STXBP4: variants seen among roughly 807,000 people sequenced by gnomAD.
STXBP4 encodes the protein syntaxin binding protein 4.
A neutral mutation model predicts 76.1 loss-of-function variants in STXBP4; 55 were observed. That is an observed-to-expected ratio of 0.72 (90% confidence interval 0.58 to 0.91). The LOEUF (loss-of-function observed/expected upper bound fraction) is 0.91, where lower values mean the gene tolerates loss of function less well. Among genes scored for constraint, STXBP4 ranks in the 40% least tolerant of loss-of-function variants. The pLI is 0.00. For synonymous variants in STXBP4, 201 were observed against 220.2 expected (o/e 0.91, Z 0.77); for missense variants, 618 against 636.9 (o/e 0.97, Z 0.32).
At chr17:55,126,728 T>C (rs1451113396) in intron 16 of STXBP4, among the ~76,000 whole-genome samples, 1 of 152,222 alleles carries the variant, frequency 6.6e-6, no homozygotes, top group Non-Finnish European at 1.5e-5. Context: ...CTGTTGTCTC[T>C]GAAATCATTC....
intron 8 of STXBP4, among the ~76,000 whole-genome samples, chr17:55,014,590 T>G (rs146686375): frequency 6.6e-6 from 1 of 151,866 alleles, no homozygotes; most frequent in Non-Finnish European, 1.5e-5. Context: ...CCCTTAATGG[T>G]CAAGCATACC....
chr17:55,075,290 T>C (rs1180524353), intron 13 of STXBP4, among the ~76,000 whole-genome samples: 2 of 152,182 alleles, frequency 1.3e-5, no homozygotes, highest in Non-Finnish European at 2.9e-5. Flanking sequence ...AAATATACTC[T>C]ATGTATCATT....
chr17:54,984,904 T>C (rs80355331), intron 1 of STXBP4, among the ~76,000 whole-genome samples: 1 of 151,986 alleles, frequency 6.6e-6, no homozygotes, highest in South Asian at 2.1e-4. Flanking sequence ...ATCTTTTTTT[T>C]ATCTTCCAAA....
chr17:55,209,176 TA>T, the STXBP4 span, among the ~76,000 whole-genome samples: 2 of 151,280 alleles, frequency 1.3e-5, no homozygotes, highest in African/African-American at 4.9e-5. Context: ...GTCTGAAGAT[TA>T]AAAAAAAATA....
intron 16 of STXBP4, among the ~76,000 whole-genome samples, chr17:55,111,968 T>C (rs2145058711): frequency 6.6e-6 from 1 of 152,260 alleles, no homozygotes; most frequent in South Asian, 2.1e-4. Context: ...CAGGCTGCAG[T>C]GCAATAGCAC....
the STXBP4 span, among the ~76,000 whole-genome samples, chr17:55,188,587 G>A: frequency 6.6e-6 from 1 of 152,204 alleles, no homozygotes; most frequent in African/African-American, 2.4e-5. Flanking sequence ...TATTAGAGCT[G>A]CCATTCCATT....
the STXBP4 span, among the ~76,000 whole-genome samples, chr17:55,187,136 G>A: frequency 5.3e-5 from 8 of 152,252 alleles, no homozygotes; most frequent in South Asian, 2.1e-4. Context: ...ATGTATTGCC[G>A]TCATTAATGC....
chr17:55,185,242 T>TCTTCTTCTTCTC, the STXBP4 span, among the ~76,000 whole-genome samples: 1 of 50,340 alleles, frequency 2.0e-5, no homozygotes, highest in African/African-American at 1.1e-4. Context: ...TTCTTCTTCT[T>TCTTCTTCTTCTC]CTTCTTCTCC....
At chr17:55,105,731 G>C (rs921590573) in intron 16 of STXBP4, among the ~76,000 whole-genome samples, 1 of 151,936 alleles carries the variant, frequency 6.6e-6, no homozygotes, top group African/African-American at 2.4e-5. Flanking sequence ...ACCAGCCTTG[G>C]CCTCCCAAAG....
chr17:55,129,984 A>C (rs565885445), intron 16 of STXBP4, among the ~76,000 whole-genome samples: 20 of 152,294 alleles, frequency 1.3e-4, no homozygotes, highest in Non-Finnish European at 2.8e-4. Context: ...TCATATTAGA[A>C]ATATGTAAAG....
At chr17:55,057,373 G>A (rs1220318186) in intron 12 of STXBP4, among the ~76,000 whole-genome samples, 3 of 152,026 alleles carry the variant, frequency 2.0e-5, no homozygotes, top group African/African-American at 4.8e-5. Context: ...CTCAATTTAC[G>A]TGCGTATACT....
At chr17:55,062,110 T>G (rs2079001212) in intron 12 of STXBP4, among the ~76,000 whole-genome samples, 1 of 151,992 alleles carries the variant, frequency 6.6e-6, no homozygotes, top group South Asian at 2.1e-4. Context: ...AAATATATAT[T>G]TTAAGTTCTG....
intron 16 of STXBP4, among the ~76,000 whole-genome samples, chr17:55,105,737 C>T (rs1484189521): frequency 6.6e-6 from 1 of 152,078 alleles, no homozygotes; most frequent in Non-Finnish European, 1.5e-5. Context: ...CTTGGCCTCC[C>T]AAAGTGCTGG....
At chr17:55,105,436 A>C (rs1222827577) in intron 16 of STXBP4, among the ~76,000 whole-genome samples, 1 of 150,802 alleles carries the variant, frequency 6.6e-6, no homozygotes, top group African/African-American at 2.4e-5. Context: ...TGCAATTTCA[A>C]GTGAATTTCT....
rs4048521 is a variant in STXBP4, at chr17:55,066,195, G to GTTGTTTTGTT, written c.1012-6668_1012-6659dup. Among the ~76,000 whole-genome samples the GTTGTTTTGTT allele has an allele frequency of 9.1e-3, 1,363 of 149,074 alleles. 17 individuals carry two copies. Among genetic ancestry groups the GTTGTTTTGTT allele is most frequent in the African/African-American group, 0.032 (1,266 of 40,000 alleles). On this transcript the variant is annotated intron_variant, in intron 12 of 17. Coordinates refer to ENST00000376352, the MANE Select transcript of STXBP4 (RefSeq NM_178509.6). Reference sequence around the variant, plus strand: ...CTCATGATGGAAAATTGTGGGTTTTGTTGTTTTGTTTTGTTTTGTTTTGTT... The same window carrying GTTGTTTTGTT: ...CTCATGATGGAAAATTGTGGGTTTTGTTGTTTTGTTTTGTTTTGTTTTGTTTTGTTTTGTT...
rs1382666358 is a variant in STXBP4 at position 55,166,303 on chromosome 17, A to C, written c.*6392A>C. ...ATTTTTCAAGTCTTTCTCATTTCTT[A>C]CCTGGATGCTTTCAACACAGGTGAT... is the stretch of plus-strand genomic sequence containing the variant. On this transcript the variant is annotated 3_prime_UTR_variant, in exon 18 of 18. Transcript: ENST00000376352. 6.6e-6 allele frequency: 1 copy of C among 152,064 alleles called. No homozygotes were observed. The highest frequency in any genetic ancestry group is 2.4e-5 in the African/African-American group (1 of 41,396). 9.4% of individuals were successfully genotyped at this position (152,064 alleles called of 1,614,324 possible). A position where few individuals can be genotyped will look rare whatever the true frequency, so the allele number is the denominator to read the frequency against.
intron 8 of STXBP4, among the ~76,000 whole-genome samples, chr17:55,022,523 G>T (rs1317626178): frequency 6.6e-6 from 1 of 152,064 alleles, no homozygotes; most frequent in East Asian, 1.9e-4. Context: ...ACAAAAAGTT[G>T]TTTCCTGGTA....
intron 10 of STXBP4, among the ~76,000 whole-genome samples, chr17:55,038,828 C>T (rs1187497336): frequency 6.6e-6 from 1 of 152,018 alleles, no homozygotes; most frequent in Non-Finnish European, 1.5e-5. Flanking sequence ...AGATTTTTCA[C>T]AGTTTGGGCT....
rs79069217 is a variant in STXBP4 at position 55,010,988 on chromosome 17, T to C, written c.666+3391T>C. Among the ~76,000 whole-genome samples, 1,371 of 152,338 alleles carry C rather than the reference T, an allele frequency of 9.0e-3. 14 individuals carry two copies. The highest frequency in any genetic ancestry group is 0.015 in the South Asian group (74 of 4,830). On this transcript the variant is annotated intron_variant, in intron 8 of 17. Coordinates refer to ENST00000376352, the MANE Select transcript of STXBP4 (RefSeq NM_178509.6). ...TTTACTTTTTTCCCCATACATATTC[T>C]GCTTACATATGAGACCTACTTTTTG...
Sources: allele counts gnomAD v4.1 joint callset (sites outside exome capture counted in the v4.1 genomes callset), GRCh38; gene constraint gnomAD v4.1.1; transcripts MANE v1.5; gene names NCBI Gene and HGNC (gene_info 2026-07-23, HGNC 2026-07-21).